Variants in PTPRT observed in about 807,000 individuals in gnomAD.
The protein encoded by PTPRT is receptor-type tyrosine-protein phosphatase T.
PTPRT carries 56 observed loss-of-function variants against 176.8 expected under a neutral mutation model. The observed-to-expected ratio is 0.32, with a 90% CI of 0.26 to 0.40. PTPRT has a LOEUF of 0.40. Ranked by LOEUF, PTPRT falls within the 10% of genes least tolerant of loss-of-function variation. PTPRT has a pLI of 1.00. For missense variants in PTPRT, 1,540 were observed against 1,908.2 expected (o/e 0.81, Z 3.60); for synonymous variants, 783 against 739.0 (o/e 1.06, Z -0.96).
chr20:42,787,109 G>C (rs897949129), intron 3 of PTPRT, among the ~76,000 whole-genome samples: 1 of 152,186 alleles, frequency 6.6e-6, no homozygotes, highest in Admixed American at 6.5e-5. Flanking sequence ...GGCTTGTAAA[G>C]ACAAAAATGT....
intron 3 of PTPRT, among the ~76,000 whole-genome samples, chr20:42,784,973 G>A (rs1380838731): frequency 6.6e-6 from 1 of 152,118 alleles, no homozygotes; most frequent in East Asian, 1.9e-4. Flanking sequence ...AATATATTGT[G>A]CATTTCAAAA....
At chr20:43,106,992 G>T (rs1328171331) in intron 1 of PTPRT, among the ~76,000 whole-genome samples, 2 of 152,042 alleles carry the variant, frequency 1.3e-5, no homozygotes, top group African/African-American at 4.8e-5. Flanking sequence ...GTTTCTCCAT[G>T]TTGGTCAGGC....
chr20:42,748,457 A>G (rs1227760136), intron 6 of PTPRT, among the ~76,000 whole-genome samples: 1 of 152,202 alleles, frequency 6.6e-6, no homozygotes, highest in African/African-American at 2.4e-5. Flanking sequence ...ATACAAGCAC[A>G]GAGCTCAAGG....
chr20:42,819,677 C>T (rs1022825081), intron 2 of PTPRT, among the ~76,000 whole-genome samples: 11 of 151,792 alleles, frequency 7.2e-5, no homozygotes, highest in African/African-American at 2.4e-4. Flanking sequence ...CAAAGACATA[C>T]ATGGGCTCAA....
chr20:42,834,086 TG>T (rs35172275), intron 2 of PTPRT, among the ~76,000 whole-genome samples: 29,726 of 138,916 alleles, frequency 0.21, 3,130 homozygotes, highest in East Asian at 0.45. Context: ...AGCCATAGGC[TG>T]GGAAAAAAAA....
At chr20:42,623,094 C>T (rs544566662) in intron 7 of PTPRT, among the ~76,000 whole-genome samples, 89 of 152,330 alleles carry the variant, frequency 5.8e-4, no homozygotes, top group African/African-American at 1.5e-3. Context: ...ATCCATCCCA[C>T]GGAGAGCCAC....
rs916914696 is a variant in PTPRT, at chr20:42,105,186, G to A, written c.3391-468C>T. ...CCTTTAGGTGGAATCACTTGGACAC[G>A]CATGTGTCTCAGAGTTCGCCAGCAG... On this transcript the variant is annotated intron_variant, in intron 24 of 30. Coordinates refer to ENST00000373187, the MANE Select transcript of PTPRT (RefSeq NM_007050.6). 4.6e-5 allele frequency among the ~76,000 whole-genome samples: 7 copies of A among 152,188 alleles called. No individual in the cohort carries two copies. In the South Asian group the frequency reaches 6.2e-4, roughly 13 times the overall value.
Position 42,345,364 on chromosome 20 carries a change from T to TACAC in PTPRT, c.1865+5263_1865+5264insGTGT, listed in dbSNP as rs778541205. 1.6e-3 allele frequency among the ~76,000 whole-genome samples: 145 copies of TACAC among 92,932 alleles called. 3 individuals carry two copies. The highest frequency in any genetic ancestry group is 5.8e-3 in the African/African-American group (134 of 23,144). The allele number at this position is 92,932 out of a possible 152,430, so 61.0% of individuals were successfully genotyped here. On this transcript the variant is annotated intron_variant, in intron 11 of 30. Transcript: ENST00000373187. ...AGAATAAGAGGTAGCTGAAGGCATA[T>TACAC]ATACACACACACACACACACACACA...
chr20:42,303,024 C>T (rs1005653523), intron 12 of PTPRT, among the ~76,000 whole-genome samples: 1 of 152,186 alleles, frequency 6.6e-6, no homozygotes, highest in African/African-American at 2.4e-5. Flanking sequence ...ACAAACTATC[C>T]CCTAATTGAG....
At chr20:43,103,611 T>A (rs1036990167) in intron 1 of PTPRT, among the ~76,000 whole-genome samples, 28 of 152,226 alleles carry the variant, frequency 1.8e-4, no homozygotes, top group African/African-American at 2.9e-4. Context: ...GGGGGCAATA[T>A]CACCCCCAAG....
intron 6 of PTPRT, among the ~76,000 whole-genome samples, chr20:42,743,561 T>C (rs2076644255): frequency 1.3e-5 from 2 of 152,194 alleles, no homozygotes; most frequent in Admixed American, 1.3e-4. Context: ...GGCCTTAGAA[T>C]ACAACCCATT....
intron 2 of PTPRT, among the ~76,000 whole-genome samples, chr20:42,827,279 C>G (rs1012882402): frequency 6.6e-6 from 1 of 152,126 alleles, no homozygotes; most frequent in Non-Finnish European, 1.5e-5. Flanking sequence ...ATGGCACATA[C>G]TTTAAAAGTG....
chr20:42,189,692 G>A (rs1042347253), intron 16 of PTPRT, among the ~76,000 whole-genome samples: 3 of 152,104 alleles, frequency 2.0e-5, no homozygotes, highest in East Asian at 3.9e-4. Context: ...AAACTAGAAC[G>A]GTCGTGTCCC....
At chr20:42,479,509 G>A (rs1387877511) in intron 7 of PTPRT, among the ~76,000 whole-genome samples, 1 of 152,150 alleles carries the variant, frequency 6.6e-6, no homozygotes, top group African/African-American at 2.4e-5. Flanking sequence ...GATACACGAA[G>A]GGAATAAAAA....
intron 15 of PTPRT, among the ~76,000 whole-genome samples, chr20:42,225,422 T>C (rs1315639026): frequency 6.6e-6 from 1 of 152,210 alleles, no homozygotes; most frequent in Non-Finnish European, 1.5e-5. Context: ...ATGAGAAAAC[T>C]GAACCTCAGA....
At chr20:42,360,088 A>C (rs1001727349) in intron 9 of PTPRT, among the ~76,000 whole-genome samples, 4 of 152,208 alleles carry the variant, frequency 2.6e-5, no homozygotes, top group African/African-American at 4.8e-5. Flanking sequence ...CAGGGTCCTT[A>C]GTATTCACCA....
intron 1 of PTPRT, among the ~76,000 whole-genome samples, chr20:43,176,999 C>T (rs1294152542): frequency 1.3e-5 from 2 of 152,142 alleles, no homozygotes; most frequent in African/African-American, 2.4e-5. Context: ...CACCGCACTC[C>T]CATAATATCC....
chr20:42,563,280 G>T (rs749008606), intron 7 of PTPRT, among the ~76,000 whole-genome samples: 4 of 152,104 alleles, frequency 2.6e-5, no homozygotes, highest in Non-Finnish European at 5.9e-5. Context: ...CAATAAGCAA[G>T]AAAAAGTTGC....
At chr20:42,445,253 G>GTAACAGCTAACATTTA (rs2059352466) in intron 9 of PTPRT, among the ~76,000 whole-genome samples, 1 of 152,160 alleles carries the variant, frequency 6.6e-6, no homozygotes, top group Non-Finnish European at 1.5e-5. Flanking sequence ...TCATTTTTAT[G>GTAACAGCTAACATTTA]TAATGATAAC....
Sources: gnomAD v4.1 joint callset for allele counts (sites outside exome capture counted in the v4.1 genomes callset) on GRCh38, gnomAD v4.1.1 for gene constraint, MANE v1.5 for transcripts, NCBI Gene and HGNC (gene_info 2026-07-23, HGNC 2026-07-21) for gene names.